The following SND1 variants were observed in gnomAD, a reference collection of about 807,000 sequenced individuals.
SND1 encodes the protein staphylococcal nuclease domain-containing protein 1.
Under a neutral mutation model 121.7 loss-of-function variants are expected in SND1, and 38 were observed. The ratio of observed to expected loss-of-function variants is 0.31; its 90% CI spans 0.24 to 0.41. The LOEUF is 0.41. SND1 is among the 10% of genes least tolerant of loss of function. SND1 has a pLI of 1.00. For synonymous variants in SND1, 401 were observed against 447.4 expected, an observed-to-expected ratio of 0.90 and a Z score of 1.31; for missense variants, 868 against 1,184.6, an observed-to-expected ratio of 0.73 and a Z score of 3.92.
intron 12 of SND1, among the ~76,000 whole-genome samples, chr7:127,866,621 T>C (rs905571561): frequency 6.6e-6 from 1 of 152,090 alleles, no homozygotes; most frequent in Non-Finnish European, 1.5e-5. Context: ...ACCTGCAGGT[T>C]TTCCCCCTCT....
intron 16 of SND1, among the ~76,000 whole-genome samples, chr7:128,039,136 C>CT (rs1562878645): frequency 6.6e-6 from 1 of 152,212 alleles, no homozygotes. Flanking sequence ...GGCCTTTACT[C>CT]TCCCCACAAC....
At chr7:128,081,185 A>G (rs1207880168) in intron 17 of SND1, among the ~76,000 whole-genome samples, 175 bp from the exon 18 acceptor site, 3 of 151,946 alleles carry the variant, frequency 2.0e-5, no homozygotes, top group African/African-American at 7.3e-5. Context: ...TTTAGTAGAG[A>G]TAGAGTTTCA....
intron 10 of SND1, 70 bp from the exon 11 acceptor site, chr7:127,807,414 T>A: frequency 8.4e-7 from 1 of 1,185,270 alleles, no homozygotes; most frequent in Non-Finnish European, 1.3e-6. Context: ...CACATTCCTA[T>A]ATCTTGTGCT....
chr7:127,864,017 T>TACTC (rs1799425119), intron 12 of SND1, among the ~76,000 whole-genome samples: 2 of 152,198 alleles, frequency 1.3e-5, no homozygotes, highest in Admixed American at 1.3e-4. Flanking sequence ...TGATGGTGTA[T>TACTC]ACTCTGGTGT....
chr7:127,974,163 A>G (rs1395074256), intron 15 of SND1, among the ~76,000 whole-genome samples: 1 of 152,222 alleles, frequency 6.6e-6, no homozygotes, highest in Non-Finnish European at 1.5e-5. Flanking sequence ...TTGAGACCCC[A>G]GGGAAGGGAA....
At chr7:127,860,168 CAA>C (rs1799349814) in intron 12 of SND1, among the ~76,000 whole-genome samples, 1 of 152,144 alleles carries the variant, frequency 6.6e-6, no homozygotes, top group African/African-American at 2.4e-5. Context: ...ACAGTACTGT[CAA>C]CATTATGCTT....
chr7:127,708,667 T>C (rs1043964388), intron 9 of SND1, among the ~76,000 whole-genome samples: 1 of 152,152 alleles, frequency 6.6e-6, no homozygotes, highest in Non-Finnish European at 1.5e-5. Context: ...AGAGCTATTA[T>C]CCTTGGTGGT....
chr7:128,083,847 G>A (rs1793646819), intron 18 of SND1, among the ~76,000 whole-genome samples: 1 of 152,156 alleles, frequency 6.6e-6, no homozygotes, highest in South Asian at 2.1e-4. Context: ...AGAAGGGACT[G>A]ATGCCTCCCA....
At chr7:128,048,008 C>A (rs529660284) in intron 16 of SND1, among the ~76,000 whole-genome samples, 1 of 151,984 alleles carries the variant, frequency 6.6e-6, no homozygotes, top group East Asian at 1.9e-4. Context: ...CCATCATGCC[C>A]GGCTAATTTT....
rs149768693 is a variant in SND1 at position 127,777,551 on chromosome 7, C to T, written c.1153-29933C>T. 4.9e-3 allele frequency among the ~76,000 whole-genome samples: 739 copies of T among 152,256 alleles called. 4 individuals are homozygous for T. The highest frequency in any genetic ancestry group is 0.017 in the African/African-American group (713 of 41,534). On this transcript the variant is annotated intron_variant, in intron 10 of 23. Transcript: ENST00000354725. ...CAAGGTCAGGAATGGACAGTAGGGA[C>T]ATGATAGCACTATTAAATATTACTG...
chr7:127,750,335 G>T (rs766535434), intron 10 of SND1, among the ~76,000 whole-genome samples: 60 of 152,172 alleles, frequency 3.9e-4, no homozygotes, highest in Non-Finnish European at 5.6e-4. Context: ...TTCAGAGCTG[G>T]ACCACTGGTT....
At chr7:128,004,941 C>T (rs897051805) in intron 16 of SND1, among the ~76,000 whole-genome samples, 4 of 152,168 alleles carry the variant, frequency 2.6e-5, no homozygotes, top group Non-Finnish European at 4.4e-5. Context: ...CCCTAGCTGC[C>T]GTAATCTTTG....
chr7:127,661,369 A>T (rs1437824952), intron 1 of SND1, among the ~76,000 whole-genome samples: 6 of 152,158 alleles, frequency 3.9e-5, no homozygotes, highest in African/African-American at 1.4e-4. Flanking sequence ...GTAATTTGGC[A>T]CCAATAACTT....
intron 1 of SND1, among the ~76,000 whole-genome samples, chr7:127,683,835 A>C (rs1290312578): frequency 2.0e-5 from 3 of 152,194 alleles, no homozygotes; most frequent in African/African-American, 7.2e-5. Flanking sequence ...CCTGTAGAGT[A>C]AAAATCATCT....
At chr7:127,904,891 C>A in intron 14 of SND1, 72 bp downstream of exon 14, 1 of 973,672 alleles carries the variant, frequency 1.0e-6, no homozygotes, top group Non-Finnish European at 1.7e-6. Flanking sequence ...TGCTGAAGGA[C>A]TTCAGCTTAT....
intron 10 of SND1, among the ~76,000 whole-genome samples, chr7:127,787,711 TAATGAG>T (rs1193065060): frequency 1.3e-5 from 2 of 152,230 alleles, no homozygotes; most frequent in Non-Finnish European, 2.9e-5. Flanking sequence ...GATTAAAACT[TAATGAG>T]TAAGAGGCCT....
At chr7:127,968,279 A>G (rs1324923945) in intron 15 of SND1, among the ~76,000 whole-genome samples, 1 of 152,218 alleles carries the variant, frequency 6.6e-6, no homozygotes, top group Non-Finnish European at 1.5e-5. Flanking sequence ...CTGTCAATCA[A>G]ATATCTCTGT....
intron 14 of SND1, among the ~76,000 whole-genome samples, chr7:127,927,379 T>G (rs1315798411): frequency 2.0e-5 from 3 of 152,248 alleles, no homozygotes; most frequent in African/African-American, 7.2e-5. Context: ...GTTGTTGACT[T>G]ACTGGTTCAG....
intron 12 of SND1, among the ~76,000 whole-genome samples, chr7:127,859,194 G>T (rs1799335832): frequency 6.6e-6 from 1 of 152,126 alleles, no homozygotes; most frequent in African/African-American, 2.4e-5. Context: ...TGTAGGCTTG[G>T]TTTTGTCATA....
Sources: gnomAD v4.1 joint callset for allele counts (sites outside exome capture counted in the v4.1 genomes callset) on GRCh38, gnomAD v4.1.1 for gene constraint, MANE v1.5 for transcripts, NCBI Gene and HGNC (gene_info 2026-07-23, HGNC 2026-07-21) for gene names.